ADAM29: variants seen among roughly 807,000 people sequenced by gnomAD.
ADAM29 encodes the protein disintegrin and metalloproteinase domain-containing protein 29.
For synonymous variants in ADAM29, 367 were observed against 342.3 expected (o/e 1.07, Z -0.80); for missense variants, 969 against 1,001.8 (o/e 0.97, Z 0.44).
rs946011650 is a variant in ADAM29, at chr4:174,931,909, T to C, written c.-262+735T>C. Among the ~76,000 whole-genome samples, 17 of 152,304 alleles carry C rather than the reference T, an allele frequency of 1.1e-4. No individual in the cohort carries two copies. In the East Asian group the frequency reaches 1.7e-3, roughly 16 times the overall value. Reference sequence around the variant, plus strand: ...ATGTTTTGGTTAATTAACTATAATGTATTTTTCTCATTTGTATTTTATTTA... The same window carrying C: ...ATGTTTTGGTTAATTAACTATAATGCATTTTTCTCATTTGTATTTTATTTA... On this transcript the variant is annotated intron_variant, in intron 3 of 4. Transcript: ENST00000359240.
intron 2 of ADAM29, among the ~76,000 whole-genome samples, chr4:174,925,727 G>A (rs772442745): frequency 1.3e-5 from 2 of 152,182 alleles, no homozygotes; most frequent in Non-Finnish European, 1.5e-5. Flanking sequence ...GGCTACCCAC[G>A]TAGTTTCGTA....
intron 3 of ADAM29, among the ~76,000 whole-genome samples, chr4:174,934,751 T>A (rs1409804129): frequency 1.3e-5 from 2 of 152,196 alleles, no homozygotes; most frequent in East Asian, 1.9e-4. Context: ...TGAAAACCGC[T>A]GTTGTAGTTA....
chr4:174,940,139 G>A (rs528382301), intron 4 of ADAM29, among the ~76,000 whole-genome samples: 20 of 152,206 alleles, frequency 1.3e-4, no homozygotes, highest in African/African-American at 4.8e-4. Context: ...AGGGTAAAGT[G>A]GTTAGTTTTC....
chr4:174,922,332 T>G (rs1006796790), intron 2 of ADAM29, among the ~76,000 whole-genome samples: 15 of 152,224 alleles, frequency 9.9e-5, no homozygotes, highest in African/African-American at 3.4e-4. Flanking sequence ...ATGAATTTTA[T>G]TGGACCCATT....
chr4:174,943,510 G>A (rs1419606992), intron 4 of ADAM29, among the ~76,000 whole-genome samples: 1 of 152,144 alleles, frequency 6.6e-6, no homozygotes, highest in Middle Eastern at 3.2e-3. Flanking sequence ...TTATATAGCA[G>A]CAGGAAAGAG....
At chr4:174,925,667 C>A (rs1271010715) in intron 2 of ADAM29, among the ~76,000 whole-genome samples, 8 of 151,850 alleles carry the variant, frequency 5.3e-5, no homozygotes, top group Non-Finnish European at 1.0e-4. Context: ...TATACTTGAG[C>A]CAAAATTAAA....
chr4:174,967,843 A>G (rs908951922), intron 4 of ADAM29, among the ~76,000 whole-genome samples: 4 of 152,198 alleles, frequency 2.6e-5, no homozygotes, highest in Non-Finnish European at 4.4e-5. Flanking sequence ...ACAAACTGAT[A>G]TGCTTTCTCC....
At chr4:174,939,489 C>T (rs570545649) in intron 4 of ADAM29, among the ~76,000 whole-genome samples, 3 of 152,254 alleles carry the variant, frequency 2.0e-5, no homozygotes, top group South Asian at 4.1e-4. Flanking sequence ...AGATTTCACT[C>T]CAAGCCAGCA....
At chr4:174,941,582 G>A (rs1744537962) in intron 4 of ADAM29, among the ~76,000 whole-genome samples, 1 of 152,004 alleles carries the variant, frequency 6.6e-6, no homozygotes, top group African/African-American at 2.4e-5. Flanking sequence ...CAGATCTCCT[G>A]AGAACTCACT....
Position 174,977,969 on chromosome 4 carries a change from C to T in ADAM29, c.2444C>T (p.Pro815Leu). The change falls in exon 5 of 5, where the codon CCT becomes CTT. Residue 815 changes from proline to leucine, a missense_variant. Physicochemically the swap from Pro to Leu is moderately conservative, Grantham distance 98 (BLOSUM62 -3). Coordinates refer to ENST00000359240, the MANE Select transcript of ADAM29 (RefSeq NM_014269.4). ...QPQLMPSQSQPPVTPS is the reference protein window; with the variant it reads ...QPQLMPSQSQLPVTPS ...CAGTTGATGCCTTCCCAGAGTCAACCTCCTGTGACGCCCTCCTAGAGCCAA... is the reference window on the plus strand; with the variant it reads ...CAGTTGATGCCTTCCCAGAGTCAACTTCCTGTGACGCCCTCCTAGAGCCAA... 6.3e-7 allele frequency: 1 copy of T among 1,592,936 alleles called. No individual in the cohort carries two copies. Among genetic ancestry groups the T allele is most frequent in the Non-Finnish European group, 8.6e-7 (1 of 1,168,142 alleles).
intron 4 of ADAM29, among the ~76,000 whole-genome samples, chr4:174,956,490 G>C (rs1322047844): frequency 6.5e-5 from 8 of 122,188 alleles, no homozygotes; most frequent in Non-Finnish European, 1.0e-4. Flanking sequence ...GTGTGTGTGT[G>C]TGTCTGTGTG....
chr4:174,922,223 A>G (rs1433527735), intron 2 of ADAM29, among the ~76,000 whole-genome samples: 1 of 152,214 alleles, frequency 6.6e-6, no homozygotes, highest in Non-Finnish European at 1.5e-5. Flanking sequence ...TGTAAACAAA[A>G]TACAATTTTT....
rs1273485661 is a variant in ADAM29, at chr4:174,975,721, C to T, written c.196C>T (p.His66Tyr). 1.9e-6 allele frequency: 3 copies of T among 1,611,474 alleles called. No individual in the cohort carries two copies. The highest frequency in any genetic ancestry group is 1.3e-5 in the African/African-American group (1 of 74,800). Residue 66 changes from histidine (H) to tyrosine (Y), a missense_variant, in exon 5 of 5, where the codon CAC becomes TAC. Coordinates refer to ENST00000359240, the MANE Select transcript of ADAM29 (RefSeq NM_014269.4). Reference sequence around the variant, plus strand: ...CTTTGGAGGCCAGAAACACATTATCCACATAAAGGTCAAGAAGCTTTTGTT... The same window carrying T: ...CTTTGGAGGCCAGAAACACATTATCTACATAAAGGTCAAGAAGCTTTTGTT... ...LPFGGQKHII[H>Y]IKVKKLLFSK...
chr4:174,928,380 C>G (rs528034007), intron 2 of ADAM29, among the ~76,000 whole-genome samples: 103 of 151,892 alleles, frequency 6.8e-4, no homozygotes, highest in African/African-American at 2.3e-3. Context: ...ACAGACATGT[C>G]AACCGCATCC....
intron 2 of ADAM29, among the ~76,000 whole-genome samples, chr4:174,929,896 A>G (rs1407615349): frequency 6.6e-6 from 1 of 151,028 alleles, no homozygotes; most frequent in Non-Finnish European, 1.5e-5. Flanking sequence ...AACTGCAATT[A>G]CAGGCGCATG....
In ADAM29 at chr4:174,977,813, T is replaced by A. The variant is rs1279604707; in HGVS notation, c.2288T>A (p.Val763Glu). 2 of 1,587,070 alleles carry A rather than the reference T, an allele frequency of 1.3e-6. No individual in the cohort carries two copies. The highest frequency in any genetic ancestry group is 1.7e-6 in the Non-Finnish European group (2 of 1,162,934). The part of the protein sequence containing the change: ...QVMPSQSQPP[V>E]TPSQSQPRVM... ...ATGCCTTCCCAGAGTCAACCTCCTG[T>A]GACACCCTCCCAGAGTCAACCTCGG... Residue 763 changes from valine to glutamate, a missense_variant, in exon 5 of 5, where the codon GTG becomes GAG. Physicochemically the swap from Val to Glu is moderately radical, Grantham distance 121. Coordinates refer to ENST00000359240, the MANE Select transcript of ADAM29 (RefSeq NM_014269.4).
intron 4 of ADAM29, among the ~76,000 whole-genome samples, chr4:174,972,405 T>A (rs1746527074): frequency 6.6e-6 from 1 of 152,138 alleles, no homozygotes; most frequent in African/African-American, 2.4e-5. Flanking sequence ...GCAGGTGTGA[T>A]TTTTGTCTAC....
intron 4 of ADAM29, among the ~76,000 whole-genome samples, chr4:174,946,136 T>C (rs925550602): frequency 1.2e-4 from 18 of 152,166 alleles, no homozygotes; most frequent in Non-Finnish European, 1.5e-4. Context: ...CAGAAAGTTT[T>C]TCCATCTGTT....
chr4:174,970,436 C>A (rs2111097964), intron 4 of ADAM29, among the ~76,000 whole-genome samples: 1 of 152,142 alleles, frequency 6.6e-6, no homozygotes, highest in East Asian at 1.9e-4. Context: ...ATTTGACCTG[C>A]TACCTCAAAC....
Sources: allele counts gnomAD v4.1 joint callset (sites outside exome capture counted in the v4.1 genomes callset), GRCh38; gene constraint gnomAD v4.1.1; transcripts MANE v1.5; gene names NCBI Gene and HGNC (gene_info 2026-07-23, HGNC 2026-07-21).